The following CDH8 variants were observed in gnomAD, a reference collection of about 807,000 sequenced individuals.
CDH8 encodes the protein cadherin 8.
In CDH8, 17 loss-of-function variants were observed where a neutral mutation model predicts 68.1. The ratio of observed to expected loss-of-function variants is 0.25; its 90% CI spans 0.17 to 0.37. The LOEUF is 0.37. CDH8 is among the 10% of genes least tolerant of loss of function. The probability of loss-of-function intolerance (pLI) is 1.00; values close to 1 mark genes in which losing one functional copy is unlikely to be tolerated. For synonymous variants in CDH8, 372 were observed against 365.1 expected (o/e 1.02, Z -0.21); for missense variants, 763 against 999.3 (o/e 0.76, Z 3.19).
chr16:61,938,371 G>C (rs1964659858), intron 2 of CDH8, among the ~76,000 whole-genome samples: 1 of 152,210 alleles, frequency 6.6e-6, no homozygotes, highest in Non-Finnish European at 1.5e-5. Context: ...TTCACTCCTT[G>C]CATTTAGATA....
intron 10 of CDH8, among the ~76,000 whole-genome samples, chr16:61,657,694 A>G (rs888235456): frequency 6.6e-6 from 1 of 152,164 alleles, no homozygotes; most frequent in Non-Finnish European, 1.5e-5. Context: ...AGTTCAAAAC[A>G]AAAGATAGAA....
chr16:61,764,738 C>T (rs1244493001), intron 8 of CDH8, among the ~76,000 whole-genome samples: 2 of 151,940 alleles, frequency 1.3e-5, no homozygotes, highest in Non-Finnish European at 2.9e-5. Flanking sequence ...ACCCCCCTTC[C>T]CTTTAGGATA....
Position 61,919,437 on chromosome 16 carries a change from T to C in CDH8, c.253-17964A>G, listed in dbSNP as rs537200534. Reference sequence around the variant, plus strand: ...TTTGAAAAAAATTTAGGAGAATGTATAACTAGAATAACCAATACAGAGAAG... The same window carrying C: ...TTTGAAAAAAATTTAGGAGAATGTACAACTAGAATAACCAATACAGAGAAG... On this transcript the variant is annotated intron_variant, in intron 2 of 11. Transcript: ENST00000577390. Among the ~76,000 whole-genome samples the C allele has an allele frequency of 8.9e-5, 13 of 146,610 alleles. No individual in the cohort carries two copies. In the East Asian group the frequency reaches 2.7e-3, roughly 30 times the overall value.
At chr16:61,817,852 G>A in intron 6 of CDH8, 120 bp from the exon 7 acceptor site, 1 of 899,020 alleles carries the variant, frequency 1.1e-6, no homozygotes, top group African/African-American at 1.7e-5. Flanking sequence ...AGCCTTAATG[G>A]GATCACTCTC....
chr16:61,833,661 T>C (rs1302481105), intron 4 of CDH8, among the ~76,000 whole-genome samples: 1 of 151,900 alleles, frequency 6.6e-6, no homozygotes. Flanking sequence ...CTACACAGCA[T>C]ATGCCTTTGA....
At chr16:61,842,429 G>T (rs1469384972) in intron 4 of CDH8, among the ~76,000 whole-genome samples, 3 of 151,986 alleles carry the variant, frequency 2.0e-5, no homozygotes, top group African/African-American at 7.3e-5. Flanking sequence ...TTGCCCCTTT[G>T]CCAACTGATG....
intron 2 of CDH8, among the ~76,000 whole-genome samples, chr16:61,925,850 C>A (rs932110567): frequency 1.3e-5 from 2 of 152,036 alleles, no homozygotes; most frequent in Non-Finnish European, 2.9e-5. Context: ...AACAGAGTCT[C>A]TAACATTATT....
At chr16:61,944,583 T>G (rs1964772333) in intron 2 of CDH8, among the ~76,000 whole-genome samples, 1 of 152,200 alleles carries the variant, frequency 6.6e-6, no homozygotes, top group Non-Finnish European at 1.5e-5. Flanking sequence ...TTATGAGAAT[T>G]AAACATATTA....
chr16:61,730,309 G>A (rs538863355), intron 8 of CDH8, among the ~76,000 whole-genome samples: 4 of 151,472 alleles, frequency 2.6e-5, no homozygotes, highest in African/African-American at 9.7e-5. Context: ...GGGGCCCAGT[G>A]CAAAATACCA....
intron 2 of CDH8, among the ~76,000 whole-genome samples, chr16:61,959,207 C>A (rs1180610381): frequency 6.6e-6 from 1 of 152,120 alleles, no homozygotes; most frequent in Non-Finnish European, 1.5e-5. Context: ...AAAGGCCAGG[C>A]TCTACTATAC....
In CDH8 at chr16:61,857,145, G is replaced by A; in HGVS notation, c.641C>T (p.Pro214Leu). The change falls in exon 4 of 12, where the codon CCT becomes CTT. Residue 214 changes from proline (P) to leucine (L), a missense_variant. Pro to Leu is a moderately conservative substitution (Grantham distance 98). Around this residue, in one of 2 missense-constraint regions of CDH8, gnomAD observed 366 missense variants for 563.1 expected, o/e 0.65. Coordinates refer to ENST00000577390, the MANE Select transcript of CDH8 (RefSeq NM_001796.5). ...TGTTTCAGGCTCAATGGAAAAATAAGGCTGCCCTTCCAATATACTATAAAC... is the reference window on the plus strand; with the variant it reads ...TGTTTCAGGCTCAATGGAAAAATAAAGCTGCCCTTCCAATATACTATAAAC... ...KLVYSILEGQ[P>L]YFSIEPETAI... is the part of the protein sequence containing the mutation. The A allele has an allele frequency of 3.1e-6, 5 of 1,613,538 alleles. No homozygotes were observed. The highest frequency in any genetic ancestry group is 4.2e-6 in the Non-Finnish European group (5 of 1,179,636).
chr16:61,706,109 T>G (rs1489025842), intron 10 of CDH8, among the ~76,000 whole-genome samples: 1 of 152,198 alleles, frequency 6.6e-6, no homozygotes, highest in African/African-American at 2.4e-5. Context: ...AAACATTCCT[T>G]GAGTCATGTG....
intron 2 of CDH8, among the ~76,000 whole-genome samples, chr16:61,981,724 A>G (rs1965534860): frequency 6.6e-6 from 1 of 152,094 alleles, no homozygotes; most frequent in Non-Finnish European, 1.5e-5. Context: ...GGAATGAGAA[A>G]GGGATTCCTG....
chr16:61,675,171 G>C (rs993344698), intron 10 of CDH8, among the ~76,000 whole-genome samples: 1 of 152,088 alleles, frequency 6.6e-6, no homozygotes, highest in Admixed American at 6.6e-5. Context: ...AAAACAAAAA[G>C]TGCCAGAATT....
intron 7 of CDH8, 39 bp from the exon 8 acceptor site, chr16:61,789,521 A>C: frequency 6.3e-7 from 1 of 1,596,606 alleles, no homozygotes; most frequent in South Asian, 1.1e-5. Flanking sequence ...TTCAATGTTT[A>C]TATGATCCAT....
At chr16:61,674,667 A>G (rs1963862824) in intron 10 of CDH8, among the ~76,000 whole-genome samples, 1 of 152,120 alleles carries the variant, frequency 6.6e-6, no homozygotes, top group African/African-American at 2.4e-5. Flanking sequence ...ATAGAAACCA[A>G]TATAGAAATG....
At chr16:61,702,532 G>A (rs980491317) in intron 10 of CDH8, among the ~76,000 whole-genome samples, 34 of 152,140 alleles carry the variant, frequency 2.2e-4, no homozygotes, top group African/African-American at 7.7e-4. Context: ...GAAGTAGTCG[G>A]TACAATTATC....
chr16:61,939,574 A>G (rs888638038), intron 2 of CDH8, among the ~76,000 whole-genome samples: 1 of 152,174 alleles, frequency 6.6e-6, no homozygotes. Flanking sequence ...ATTCCAATTA[A>G]AAACATAATT....
At chr16:61,978,877 G>A (rs1268013771) in intron 2 of CDH8, among the ~76,000 whole-genome samples, 1 of 152,048 alleles carries the variant, frequency 6.6e-6, no homozygotes, top group Non-Finnish European at 1.5e-5. Context: ...TTGCCTAAAA[G>A]CCTCCTCACC....
Sources: allele counts gnomAD v4.1 joint callset (sites outside exome capture counted in the v4.1 genomes callset), GRCh38; gene constraint gnomAD v4.1.1; regional missense constraint gnomAD v4.1.1; transcripts MANE v1.5; gene names NCBI Gene and HGNC (gene_info 2026-07-23, HGNC 2026-07-21).